XRCC3: variants seen among roughly 807,000 people sequenced by gnomAD.
XRCC3 encodes the protein DNA repair protein XRCC3.
XRCC3 carries 34 observed loss-of-function variants against 29.2 expected under a neutral mutation model. The observed-to-expected ratio is 1.16, with a 90% CI of 0.88 to 1.55. XRCC3 has a LOEUF of 1.55. Ranked by LOEUF, XRCC3 falls within the 40% of genes most tolerant of loss-of-function variation. The pLI is 0.00. For synonymous variants in XRCC3, 223 were observed against 211.3 expected, an observed-to-expected ratio of 1.06 and a Z score of -0.48; for missense variants, 463 against 467.6, an observed-to-expected ratio of 0.99 and a Z score of 0.09.
chr14:103,706,735 G>GC, intron 6 of XRCC3: 1 of 528,944 alleles, frequency 1.9e-6, no homozygotes, highest in Admixed American at 3.1e-5. Flanking sequence ...TGCTCAGCCA[G>GC]CGACCCCTGG....
At position 103,711,070 on chromosome 14, in the gene XRCC3, C is replaced by T; in HGVS notation, c.18G>A (p.Leu6=). 1 of 1,614,118 alleles carries T rather than the reference C, an allele frequency of 6.2e-7. No homozygotes were observed. The highest frequency in any genetic ancestry group is 8.5e-7 in the Non-Finnish European group (1 of 1,180,020). Residue 6 remains leucine, a synonymous_variant, in exon 4 of 10, where the codon CTG becomes CTA. Transcript: ENST00000555055. Reference sequence around the variant, plus strand: ...CAGCAATAATTCTGGGATTCAGGTCCAGTAGATCCAAATCCATTTTGTCGG... The same window carrying T: ...CAGCAATAATTCTGGGATTCAGGTCTAGTAGATCCAAATCCATTTTGTCGG... MDLDL[L]DLNPRIIAAI... is the part of the protein sequence containing the mutation.
rs995903699 is a variant in XRCC3, at chr14:103,710,976, C to T, written c.55+57G>A. On this transcript the variant is annotated intron_variant, in intron 4 of 9. Coordinates refer to ENST00000555055, the MANE Select transcript of XRCC3 (RefSeq NM_005432.4). ...GCCAGCCAGCGTTTTGTTAACCTGC[C>T]TTATATAAACTGCACACACCCACCC... 3.8e-6 allele frequency: 6 copies of T among 1,584,248 alleles called. No homozygotes were observed. The African/African-American group carries it at 4.0e-5, about 11-fold the overall frequency.
intron 6 of XRCC3, chr14:103,706,594 C>G (rs973262868): frequency 1.9e-5 from 7 of 374,228 alleles, no homozygotes; most frequent in South Asian, 1.2e-4. Context: ...TACAGGCTCA[C>G]GGGGCCGCGC....
At position 103,714,826 on chromosome 14, in the gene XRCC3, C is replaced by G. The variant is rs563042891; in HGVS notation, c.-318+598G>C. 2.6e-5 allele frequency among the ~76,000 whole-genome samples: 4 copies of G among 152,270 alleles called. No individual in the cohort carries two copies. The East Asian group carries it at 5.8e-4, about 22-fold the overall frequency. ...TCAGCCTCCCAAGCAGCTGGGATTA[C>G]AGGCACGTGCCACCACACCCAGCTA... On this transcript the variant is annotated intron_variant, in intron 1 of 9. Coordinates refer to ENST00000555055, the MANE Select transcript of XRCC3 (RefSeq NM_005432.4).
Position 103,698,333 on chromosome 14 carries a change from G to A in XRCC3, c.*465C>T, listed in dbSNP as rs2082746809. On this transcript the variant is annotated 3_prime_UTR_variant, in exon 10 of 10. Transcript: ENST00000555055. ...GCCCCACTGTGGCCTGAGTGGTGGGGGAGTAAGGACTGCCCTGTGTGCAGG... is the reference window on the plus strand; with the variant it reads ...GCCCCACTGTGGCCTGAGTGGTGGGAGAGTAAGGACTGCCCTGTGTGCAGG... 1 of 194,200 alleles carries A rather than the reference G, an allele frequency of 5.1e-6. No homozygotes were observed. Among genetic ancestry groups the A allele is most frequent in the Admixed American group, 5.3e-5 (1 of 18,704 alleles). The allele number at this position is 194,200 out of a possible 1,614,324, so 12.0% of individuals were successfully genotyped here. A position where few individuals can be genotyped will look rare whatever the true frequency, so the allele number is the denominator to read the frequency against.
In XRCC3 at chr14:103,711,198, C is replaced by G. The variant is rs2083613729; in HGVS notation, c.-111G>C. On this transcript the variant is annotated 5_prime_UTR_variant, in exon 4 of 10. Coordinates refer to ENST00000555055, the MANE Select transcript of XRCC3 (RefSeq NM_005432.4). Reference sequence around the variant, plus strand: ...TTCAAAGCCTGTGGGAGGCCCGAACCAGGGAAGTGACAGCAGCCGAGGTGT... The same window carrying G: ...TTCAAAGCCTGTGGGAGGCCCGAACGAGGGAAGTGACAGCAGCCGAGGTGT... 1 of 1,229,474 alleles carries G rather than the reference C, an allele frequency of 8.1e-7. No individual in the cohort carries two copies. The highest frequency in any genetic ancestry group is 1.8e-5 in the Admixed American group (1 of 55,156). The allele number at this position is 1,229,474 out of a possible 1,614,324, so 76.2% of individuals were successfully genotyped here. A position where few individuals can be genotyped will look rare whatever the true frequency, so the allele number is the denominator to read the frequency against.
At position 103,699,514 on chromosome 14, in the gene XRCC3, G is replaced by A; in HGVS notation, c.624C>T (p.Arg208=). Residue 208 remains arginine, a synonymous_variant, in exon 8 of 10, where the codon CGC becomes CGT. Transcript: ENST00000555055. ...VPVLLSRGMA[R]LVVIDSVAAP... is the part of the protein sequence containing the mutation. ...CTGCCACCGAGTCGATGACCACCAG[G>A]CGAGCCATGCCCCGAGACAGCAGTA... is the stretch of plus-strand genomic sequence containing the variant. 1.2e-6 allele frequency: 2 copies of A among 1,613,194 alleles called. No homozygotes were observed. Among genetic ancestry groups the A allele is most frequent in the Non-Finnish European group, 1.7e-6 (2 of 1,179,978 alleles).
At chr14:103,703,711 C>G (rs111945322) in intron 6 of XRCC3, 2 of 310,674 alleles carry the variant, frequency 6.4e-6, no homozygotes, top group African/African-American at 4.3e-5. Flanking sequence ...AGGGCAACGC[C>G]TTCTGGAAAT....
intron 6 of XRCC3, chr14:103,706,295 G>A (rs2083433638): frequency 2.2e-6 from 1 of 455,988 alleles, no homozygotes; most frequent in Non-Finnish European, 4.4e-6. Context: ...TGTGGGTCCA[G>A]GGCCTGGGGT....
In XRCC3 at chr14:103,698,933, G is replaced by A. The variant is rs370391238; in HGVS notation, c.906C>T (p.Arg302=). The A allele has an allele frequency of 6.1e-5, 98 of 1,600,092 alleles. No individual in the cohort carries two copies. The highest frequency in any genetic ancestry group is 1.6e-4 in the East Asian group (7 of 44,232). ...GGCAGCCGAGGGCAGCCTCTTCCTC[G>A]CGGAGCCGGTCAGCCAGCAGTCTCA... ...LLVRLLADRL[R]EEEAALGCPA... is the part of the protein sequence containing the mutation. The change falls in exon 10 of 10, where the codon CGC becomes CGT. Residue 302 remains arginine (R), a synonymous_variant. Transcript: ENST00000555055.
intron 7 of XRCC3, chr14:103,701,218 C>G (rs1021987768): frequency 1.7e-5 from 27 of 1,550,382 alleles, no homozygotes; most frequent in Non-Finnish European, 2.4e-5. Flanking sequence ...GACCTGGCCC[C>G]GCTCCAGGAT....
intron 6 of XRCC3, chr14:103,703,606 CCA>C: frequency 6.3e-6 from 3 of 476,980 alleles, no homozygotes; most frequent in Non-Finnish European, 1.2e-5. Flanking sequence ...GCTGGAATGG[CCA>C]CAGATGGGAG....
chr14:103,708,398 G>A (rs2083513559), intron 5 of XRCC3, 124 bp downstream of exon 5: 1 of 1,414,160 alleles, frequency 7.1e-7, no homozygotes, highest in Non-Finnish European at 9.8e-7. Context: ...TGGGGCTGGA[G>A]CAGCTGCCAC....
At chr14:103,703,661 T>C (rs1218852551) in intron 6 of XRCC3, 2 of 387,924 alleles carry the variant, frequency 5.2e-6, no homozygotes, top group African/African-American at 2.1e-5. Flanking sequence ...CCTGTGAACC[T>C]CCGTTCCCCA....
chr14:103,712,075 C>T (rs1357460270), intron 2 of XRCC3: 8 of 289,660 alleles, frequency 2.8e-5, no homozygotes, highest in African/African-American at 1.3e-4. Flanking sequence ...GCTGGTCACT[C>T]GTATGCCCAT....
chr14:103,707,526 C>A (rs3212052), intron 5 of XRCC3: 2 of 482,122 alleles, frequency 4.1e-6, no homozygotes, highest in Non-Finnish European at 3.8e-6. Flanking sequence ...GAGGCGCTCC[C>A]TAACAGCCTC....
intron 7 of XRCC3, chr14:103,701,228 T>C (rs1595646189): frequency 6.5e-7 from 1 of 1,549,612 alleles, no homozygotes; most frequent in Admixed American, 2.0e-5. Context: ...CGCTCCAGGA[T>C]GGGACTGCCG....
chr14:103,698,497 A>T lies in XRCC3; in HGVS notation c.*301T>A. On this transcript the variant is annotated 3_prime_UTR_variant, in exon 10 of 10. Transcript: ENST00000555055. Reference sequence around the variant, plus strand: ...GCGGCTCCCAGGGAGTCACTGTAGGACACCCCAGGCTCCAGCCCTGAGAAT... The same window carrying T: ...GCGGCTCCCAGGGAGTCACTGTAGGTCACCCCAGGCTCCAGCCCTGAGAAT... 2.2e-6 allele frequency: 1 copy of T among 454,494 alleles called. No individual in the cohort carries two copies. The highest frequency in any genetic ancestry group is 2.1e-5 in the South Asian group (1 of 46,752). 28.2% of individuals were successfully genotyped at this position (454,494 alleles called of 1,614,324 possible). A position where few individuals can be genotyped will look rare whatever the true frequency, so the allele number is the denominator to read the frequency against.
intron 6 of XRCC3, chr14:103,703,536 T>C (rs2083316214): frequency 6.5e-6 from 4 of 614,752 alleles, no homozygotes; most frequent in South Asian, 5.5e-5. Flanking sequence ...TCAGGAGGAA[T>C]ATGGGCTGGG....
Sources: gnomAD v4.1 joint callset for allele counts (sites outside exome capture counted in the v4.1 genomes callset) on GRCh38, gnomAD v4.1.1 for gene constraint, MANE v1.5 for transcripts, NCBI Gene and HGNC (gene_info 2026-07-23, HGNC 2026-07-21) for gene names.